The following RBPMS variants were observed in gnomAD, a reference collection of about 807,000 sequenced individuals.
The protein encoded by RBPMS is RNA binding protein, mRNA processing factor.
Under a neutral mutation model 26.8 loss-of-function variants are expected in RBPMS, and 7 were observed. The observed-to-expected ratio is 0.26, with a 90% CI of 0.15 to 0.49. The LOEUF is 0.49. Among genes scored for constraint, RBPMS ranks in the 20% least tolerant of loss-of-function variants. The pLI, the probability that RBPMS is intolerant of heterozygous loss-of-function variation, is 0.98. For missense variants in RBPMS, 186 were observed against 250.0 expected, an observed-to-expected ratio of 0.74 and a Z score of 1.73; for synonymous variants, 96 against 93.3, an observed-to-expected ratio of 1.03 and a Z score of -0.17.
chr8:30,502,703 T>C (rs1173714166), intron 4 of RBPMS, among the ~76,000 whole-genome samples: 2 of 152,190 alleles, frequency 1.3e-5, no homozygotes, highest in African/African-American at 4.8e-5. Context: ...CTTGGAAATA[T>C]TAATTCTGTT....
At chr8:30,427,438 C>T (rs770493736) in intron 1 of RBPMS, among the ~76,000 whole-genome samples, 10 of 152,194 alleles carry the variant, frequency 6.6e-5, no homozygotes, top group African/African-American at 1.2e-4. Context: ...CTCACCTTTA[C>T]GTATTTCAGC....
chr8:30,426,511 A>G (rs1585420811), intron 1 of RBPMS, among the ~76,000 whole-genome samples: 1 of 152,260 alleles, frequency 6.6e-6, no homozygotes, highest in Non-Finnish European at 1.5e-5. Flanking sequence ...GGGGTCCTGA[A>G]TAGGTAGCAG....
At chr8:30,418,505 C>T (rs1412365183) in intron 1 of RBPMS, among the ~76,000 whole-genome samples, 1 of 152,066 alleles carries the variant, frequency 6.6e-6, no homozygotes, top group Non-Finnish European at 1.5e-5. Flanking sequence ...TTTAGTTTTT[C>T]CACAATTTGG....
chr8:30,431,930 G>C (rs117110109), intron 1 of RBPMS, among the ~76,000 whole-genome samples: 1 of 151,702 alleles, frequency 6.6e-6, no homozygotes, highest in Non-Finnish European at 1.5e-5. Flanking sequence ...AGACCAGTCT[G>C]GGCAACATAG....
intron 5 of RBPMS, among the ~76,000 whole-genome samples, chr8:30,508,764 A>T (rs1488147704): frequency 1.3e-5 from 2 of 152,106 alleles, no homozygotes; most frequent in Non-Finnish European, 2.9e-5. Context: ...TCTGATTGGG[A>T]TGTGATAAAA....
At chr8:30,520,717 C>G (rs1356864908) in intron 5 of RBPMS, among the ~76,000 whole-genome samples, 1 of 152,046 alleles carries the variant, frequency 6.6e-6, no homozygotes, top group African/African-American at 2.4e-5. Flanking sequence ...TAGGAAGATC[C>G]CTGGAGCCTA....
At chr8:30,546,443 G>A (rs1040473756) in intron 6 of RBPMS, among the ~76,000 whole-genome samples, 1 of 152,146 alleles carries the variant, frequency 6.6e-6, no homozygotes, top group Non-Finnish European at 1.5e-5. Context: ...CTGGAGATAC[G>A]GTATGGTAAG....
intron 5 of RBPMS, among the ~76,000 whole-genome samples, chr8:30,526,621 C>T (rs1288012942): frequency 6.6e-6 from 1 of 152,066 alleles, no homozygotes; most frequent in East Asian, 1.9e-4. Context: ...ATGTGGCTAC[C>T]CCTTGATTTA....
At chr8:30,393,344 C>T (rs1808012693) in intron 1 of RBPMS, among the ~76,000 whole-genome samples, 1 of 151,920 alleles carries the variant, frequency 6.6e-6, no homozygotes, top group African/African-American at 2.4e-5. Flanking sequence ...ATTTGCCAAC[C>T]CTGCACCTAA....
chr8:30,387,611 G>A (rs779645686), intron 1 of RBPMS, among the ~76,000 whole-genome samples: 4 of 152,058 alleles, frequency 2.6e-5, no homozygotes, highest in Non-Finnish European at 5.9e-5. Context: ...ACGTAATGAC[G>A]AGAGGAAAAA....
chr8:30,497,880 C>T (rs1820150780), intron 4 of RBPMS, among the ~76,000 whole-genome samples: 1 of 151,762 alleles, frequency 6.6e-6, no homozygotes, highest in Admixed American at 6.6e-5. Flanking sequence ...CCTCGGCCTC[C>T]CAAAGTGCTG....
chr8:30,408,286 T>C (rs1000948310), intron 1 of RBPMS, among the ~76,000 whole-genome samples: 1 of 152,102 alleles, frequency 6.6e-6, no homozygotes, highest in Non-Finnish European at 1.5e-5. Context: ...TCCAGCACTT[T>C]AGGAGGCTGA....
At chr8:30,540,476 G>A (rs1373566231) in intron 5 of RBPMS, among the ~76,000 whole-genome samples, 2 of 152,198 alleles carry the variant, frequency 1.3e-5, no homozygotes, top group East Asian at 1.9e-4. Context: ...GGCTAGAAGT[G>A]TAGTGGCACA....
intron 1 of RBPMS, among the ~76,000 whole-genome samples, chr8:30,461,734 C>A (rs566974291): frequency 6.6e-6 from 1 of 152,222 alleles, no homozygotes; most frequent in African/African-American, 2.4e-5. Flanking sequence ...TCACTTGTGC[C>A]CTTTGCCTAG....
At chr8:30,540,729 A>T (rs1255215996) in intron 5 of RBPMS, among the ~76,000 whole-genome samples, 3 of 152,210 alleles carry the variant, frequency 2.0e-5, no homozygotes, top group Non-Finnish European at 4.4e-5. Flanking sequence ...GCACGCAGCC[A>T]AACTGTGTAT....
chr8:30,450,200 A>G (rs1027486608), intron 1 of RBPMS, among the ~76,000 whole-genome samples: 2 of 152,378 alleles, frequency 1.3e-5, no homozygotes, highest in Middle Eastern at 6.8e-3. Context: ...CAACGAGCAT[A>G]GTAACTAGTT....
intron 7 of RBPMS, chr8:30,562,180 AAT>A: frequency 3.1e-6 from 1 of 322,082 alleles, no homozygotes; most frequent in Admixed American, 6.5e-5. Flanking sequence ...AAAATACAAA[AAT>A]TACCCAAGCA....
chr8:30,443,588 T>C (rs1813378396), intron 1 of RBPMS, among the ~76,000 whole-genome samples: 1 of 85,352 alleles, frequency 1.2e-5, no homozygotes, highest in Non-Finnish European at 2.7e-5. Context: ...ATCTTTCAGG[T>C]TTTTTTTGTT....
At chr8:30,473,932 G>C (rs933416273) in intron 1 of RBPMS, among the ~76,000 whole-genome samples, 1 of 152,168 alleles carries the variant, frequency 6.6e-6, no homozygotes. Context: ...CATTGGGCTT[G>C]TCGGGGGCTT....
Sources: allele counts gnomAD v4.1 joint callset (sites outside exome capture counted in the v4.1 genomes callset), GRCh38; gene constraint gnomAD v4.1.1; transcripts MANE v1.5; gene names NCBI Gene and HGNC (gene_info 2026-07-23, HGNC 2026-07-21).